The following NSUN4 variants were observed in gnomAD, a reference collection of about 807,000 sequenced individuals.
NSUN4 encodes 5-cytosine rRNA methyltransferase NSUN4.
Under a neutral mutation model 43.8 loss-of-function variants are expected in NSUN4, and 31 were observed. The ratio of observed to expected loss-of-function variants is 0.71; its 90% CI spans 0.53 to 0.96. The LOEUF (loss-of-function observed/expected upper bound fraction) is 0.96. Among genes scored for constraint, NSUN4 ranks in the 40% least tolerant of loss-of-function variants. The pLI, the probability that NSUN4 is intolerant of heterozygous loss-of-function variation, is 0.00. For missense variants in NSUN4, 439 were observed against 475.6 expected (o/e 0.92, Z 0.72); for synonymous variants, 167 against 184.1 (o/e 0.91, Z 0.75).
chr1:46,380,337 C>T, the NSUN4 span, among the ~76,000 whole-genome samples: 9 of 152,210 alleles, frequency 5.9e-5, no homozygotes, highest in Non-Finnish European at 1.2e-4. Context: ...AGGAGTAACT[C>T]TTGCATGAAT....
rs1663808070 is a variant in NSUN4, at chr1:46,360,743, C to G, written c.793C>G (p.Leu265Val). ...GCCCTGTACCACAGACCGCCACTCC[C>G]TTCATGAGGAGGAGAACAACATCTT... ...DVPCTTDRHSLHEEENNIFKR... is the reference protein window; with the variant it reads ...DVPCTTDRHSVHEEENNIFKR... Residue 265 changes from leucine to valine, a missense_variant, in exon 5 of 6, where the codon CTT becomes GTT. By Grantham distance (32) the Leu-to-Val change is conservative (BLOSUM62 1). Transcript: ENST00000474844. The G allele has an allele frequency of 1.2e-6, 2 of 1,613,982 alleles. No homozygotes were observed. The highest frequency in any genetic ancestry group is 4.5e-5 in the East Asian group (2 of 44,882).
At chr1:46,370,320 G>A in the NSUN4 span, among the ~76,000 whole-genome samples, 2 of 152,142 alleles carry the variant, frequency 1.3e-5, no homozygotes, top group African/African-American at 2.4e-5. Flanking sequence ...GTTAGCATAC[G>A]AAACCTTTCA....
intron 3 of NSUN4, among the ~76,000 whole-genome samples, chr1:46,349,756 T>C (rs1162863931): frequency 6.6e-6 from 1 of 152,214 alleles, no homozygotes; most frequent in African/African-American, 2.4e-5. Context: ...GGTGGGGTCA[T>C]GGGCTTAATG....
the NSUN4 span, among the ~76,000 whole-genome samples, chr1:46,383,455 T>TTG: frequency 6.8e-6 from 1 of 147,170 alleles, no homozygotes; most frequent in African/African-American, 2.5e-5. Flanking sequence ...GGTGTTTTTT[T>TTG]TTTTTTTTTT....
At chr1:46,376,434 G>T in the NSUN4 span, among the ~76,000 whole-genome samples, 13 of 151,552 alleles carry the variant, frequency 8.6e-5, no homozygotes, top group South Asian at 2.1e-4. Context: ...TAGTAGTAAA[G>T]ATGTATTATG....
Position 46,346,833 on chromosome 1 carries a change from G to A in NSUN4, c.438-88G>A, listed in dbSNP as rs561042129. On this transcript the variant is annotated intron_variant, in intron 2 of 5. Coordinates refer to ENST00000474844, the MANE Select transcript of NSUN4 (RefSeq NM_199044.4). The stretch of plus-strand genomic sequence containing the variant: ...TGAGTTTTTGGTGATTGGAGCTCAA[G>A]CCCCAGAGGGCATAGACTTGGTGGC... 14 of 1,064,488 alleles carry A rather than the reference G, an allele frequency of 1.3e-5. No individual in the cohort carries two copies. In the East Asian group the frequency reaches 3.1e-4, roughly 24 times the overall value. The allele number at this position is 1,064,488 out of a possible 1,614,324, so 65.9% of individuals were successfully genotyped here.
chr1:46,343,675 G>A lies in NSUN4; in HGVS notation c.94-1126G>A, dbSNP rs571959708. The A allele has an allele frequency of 2.2e-5, 9 of 400,082 alleles. No homozygotes were observed. The South Asian group carries it at 1.1e-3, about 51-fold the overall frequency. 24.8% of individuals were successfully genotyped at this position (400,082 alleles called of 1,614,324 possible). A position where few individuals can be genotyped will look rare whatever the true frequency, so the allele number is the denominator to read the frequency against. ...AGTCCCTATCCTAGCAGAAGCTGGG[G>A]CCGGAGCAGTAATCCTCAACAAAAC... is the stretch of plus-strand genomic sequence containing the variant. On this transcript the variant is annotated intron_variant, in intron 1 of 5. Coordinates refer to ENST00000474844, the MANE Select transcript of NSUN4 (RefSeq NM_199044.4).
intron 3 of NSUN4, among the ~76,000 whole-genome samples, chr1:46,351,632 C>A (rs1320792427): frequency 2.6e-5 from 4 of 150,988 alleles, no homozygotes; most frequent in Non-Finnish European, 5.9e-5. Context: ...TCAAGACCTA[C>A]CTGGGCAACA....
chr1:46,344,663 G>A, intron 1 of NSUN4, 138 bp from the exon 2 acceptor site: 1 of 707,076 alleles, frequency 1.4e-6, no homozygotes, highest in Non-Finnish European at 2.4e-6. Flanking sequence ...ACACTTCTCT[G>A]GCAGGCAGGC....
intron 4 of NSUN4, among the ~76,000 whole-genome samples, chr1:46,358,068 C>G (rs1663510844): frequency 6.6e-6 from 1 of 152,048 alleles, no homozygotes; most frequent in Non-Finnish European, 1.5e-5. Context: ...GCGCCCGCCA[C>G]CATGCCTGGC....
At chr1:46,350,102 A>T (rs1191865287) in intron 3 of NSUN4, among the ~76,000 whole-genome samples, 1 of 152,220 alleles carries the variant, frequency 6.6e-6, no homozygotes, top group East Asian at 1.9e-4. Flanking sequence ...AGTTCTGTGG[A>T]GATTAAATAA....
At position 46,352,906 on chromosome 1, in the gene NSUN4, GCCAGACTACAGAAGAT is replaced by G; in HGVS notation, c.634_649del (p.Arg212PhefsTer125). 1.2e-6 allele frequency: 2 copies of G among 1,614,118 alleles called. No homozygotes were observed. The highest frequency in any genetic ancestry group is 1.7e-6 in the Non-Finnish European group (2 of 1,180,000). ...CAATGATCTCTCCCCGTCCCGAATA[GCCAGACTACAGAAGAT>G]CCTTCACAGCTATGTGCCTGAAGAG... On this transcript the variant is annotated frameshift_variant, in exon 4 of 6. Coordinates refer to ENST00000474844, the MANE Select transcript of NSUN4 (RefSeq NM_199044.4). LOFTEE classifies it high-confidence loss of function.
At chr1:46,378,144 G>A in the NSUN4 span, among the ~76,000 whole-genome samples, 6 of 151,624 alleles carry the variant, frequency 4.0e-5, no homozygotes, top group African/African-American at 7.3e-5. Context: ...GTAGATCCTC[G>A]GCCTCCCAAA....
chr1:46,349,473 C>T (rs1662822942), intron 3 of NSUN4, among the ~76,000 whole-genome samples: 1 of 152,214 alleles, frequency 6.6e-6, no homozygotes, highest in African/African-American at 2.4e-5. Context: ...CTTCAGCCAT[C>T]CACTGGCCGA....
At chr1:46,360,228 C>CA (rs1240539714) in intron 4 of NSUN4, among the ~76,000 whole-genome samples, 145 of 34,992 alleles carry the variant, frequency 4.1e-3, no homozygotes, top group African/African-American at 5.5e-3. Context: ...GACTCCATCT[C>CA]AAAAAAAAAA....
chr1:46,377,656 G>A, the NSUN4 span, among the ~76,000 whole-genome samples: 69 of 152,114 alleles, frequency 4.5e-4, no homozygotes, highest in Middle Eastern at 3.2e-3. Context: ...AAATGTTTTC[G>A]TAATAAAATT....
the NSUN4 span, among the ~76,000 whole-genome samples, chr1:46,381,868 A>G: frequency 3.3e-5 from 5 of 152,162 alleles, no homozygotes; most frequent in African/African-American, 4.8e-5. Context: ...CCCTTTTTCT[A>G]GGGAAACTGA....
chr1:46,366,727 A>AAAAG (rs1553178523), downstream of NSUN4, among the ~76,000 whole-genome samples: 136 of 127,956 alleles, frequency 1.1e-3, no homozygotes, highest in Middle Eastern at 4.7e-3. Flanking sequence ...AAAAAAAAAA[A>AAAAG]AAGTGGGTAG....
rs12130960 is a variant in NSUN4, at chr1:46,355,109, C to A, written c.753+2081C>A. Among the ~76,000 whole-genome samples the A allele has an allele frequency of 3.4e-3, 518 of 152,316 alleles. 2 individuals carry two copies. The highest frequency in any genetic ancestry group is 0.014 in the Middle Eastern group (4 of 294). The stretch of plus-strand genomic sequence containing the variant: ...ACTGTTGATCTTGCTGAACTTCAAC[C>A]TCTTCGTTTGTGAAACAGGGTAATC... On this transcript the variant is annotated intron_variant, in intron 4 of 5. Coordinates refer to ENST00000474844, the MANE Select transcript of NSUN4 (RefSeq NM_199044.4).
Sources: allele counts gnomAD v4.1 joint callset (sites outside exome capture counted in the v4.1 genomes callset), GRCh38; gene constraint gnomAD v4.1.1; transcripts MANE v1.5; gene names NCBI Gene and HGNC (gene_info 2026-07-23, HGNC 2026-07-21).